ZKSCAN7: variants seen among roughly 807,000 people sequenced by gnomAD.
The protein encoded by ZKSCAN7 is zinc finger with KRAB and SCAN domains 7, also known as zinc finger protein with KRAB and SCAN domains 7.
ZKSCAN7 carries 38 observed loss-of-function variants against 65.3 expected under a neutral mutation model. The ratio of observed to expected loss-of-function variants is 0.58; its 90% confidence interval spans 0.45 to 0.76. The LOEUF (loss-of-function observed/expected upper bound fraction) is 0.76. Ranked by LOEUF, ZKSCAN7 falls within the 30% of genes least tolerant of loss-of-function variation. The probability of loss-of-function intolerance (pLI) is 0.00; values close to 1 mark genes in which losing one functional copy is unlikely to be tolerated. For missense variants in ZKSCAN7, 815 were observed against 913.3 expected (o/e 0.89, Z 1.39); for synonymous variants, 321 against 321.0 (o/e 1.00, Z 0.00).
At chr3:44,577,690 C>G (rs557497740) in intron 5 of ZKSCAN7, among the ~76,000 whole-genome samples, 12 of 152,310 alleles carry the variant, frequency 7.9e-5, no homozygotes, top group African/African-American at 2.9e-4. Flanking sequence ...CCAGCCCCCA[C>G]TGCTGGCCTA....
In ZKSCAN7 at chr3:44,568,312, T is replaced by G. The variant is rs192619921; in HGVS notation, c.690T>G (p.Thr230=). ...TVLRMVRPQD[T]VAYEDLSVDY... The stretch of plus-strand genomic sequence containing the variant: ...ATTGGAGCTTGTCATTCCAGGATAC[T>G]GTGGCATATGAGGACCTATCTGTAG... Residue 230 remains threonine, a synonymous_variant, in exon 5 of 6, where the codon ACT becomes ACG. Coordinates refer to ENST00000426540, the MANE Select transcript of ZKSCAN7 (RefSeq NM_001288590.2). The G allele has an allele frequency of 1.7e-4, 277 of 1,612,430 alleles. 1 individual carries two copies. Among genetic ancestry groups the G allele is most frequent in the Admixed American group, 1.5e-3 (89 of 59,666 alleles).
exon 6 of ZKSCAN7, chr3:44,582,976 G>C (rs1559436585): frequency 2.2e-6 from 1 of 448,172 alleles, no homozygotes; most frequent in Non-Finnish European, 4.5e-6. Flanking sequence ...TTCCAGGCTG[G>C]AGTACAATGG....
intron 1 of ZKSCAN7, among the ~76,000 whole-genome samples, chr3:44,556,080 C>T (rs1280621416): frequency 6.6e-6 from 1 of 152,200 alleles, no homozygotes; most frequent in Non-Finnish European, 1.5e-5. Flanking sequence ...ATCACTGAGA[C>T]AATAACCACC....
intron 5 of ZKSCAN7, among the ~76,000 whole-genome samples, chr3:44,578,511 C>G (rs918046642): frequency 6.6e-6 from 1 of 152,212 alleles, no homozygotes; most frequent in Non-Finnish European, 1.5e-5. Context: ...TGCCCGGCCT[C>G]CAGCGCCTGG....
chr3:44,567,072 T>C (rs1699653009), intron 3 of ZKSCAN7, among the ~76,000 whole-genome samples: 1 of 149,294 alleles, frequency 6.7e-6, no homozygotes, highest in African/African-American at 2.5e-5. Context: ...GGCATGATCA[T>C]GCCACTGCAC....
chr3:44,558,469 A>G (rs889296768), intron 2 of ZKSCAN7, among the ~76,000 whole-genome samples: 7 of 151,680 alleles, frequency 4.6e-5, no homozygotes, highest in Admixed American at 4.6e-4. Flanking sequence ...AGGTTGCAGT[A>G]AGCCAAGATC....
At chr3:44,572,259 T>C, downstream of ZKSCAN7, 2 of 979,978 alleles carry the variant, frequency 2.0e-6, no homozygotes. Context: ...TCATAGAATA[T>C]CACATACAGA....
downstream of ZKSCAN7, among the ~76,000 whole-genome samples, chr3:44,573,070 G>A (rs1353449581): frequency 1.3e-5 from 2 of 152,094 alleles, no homozygotes; most frequent in African/African-American, 4.8e-5. Context: ...ATTTAAAGAT[G>A]AGAGCTGTAC....
chr3:44,572,849 C>CAAA (rs11339297), downstream of ZKSCAN7, among the ~76,000 whole-genome samples: 17 of 72,416 alleles, frequency 2.3e-4, no homozygotes, highest in Non-Finnish European at 3.0e-4. Flanking sequence ...GACTCTGTCT[C>CAAA]AAAAAAAAAA....
intron 5 of ZKSCAN7, among the ~76,000 whole-genome samples, chr3:44,577,499 G>T (rs1002099835): frequency 6.6e-6 from 1 of 152,134 alleles, no homozygotes; most frequent in African/African-American, 2.4e-5. Context: ...AAGCTGGAGT[G>T]TCCGCATGGC....
chr3:44,571,651 A>G lies in ZKSCAN7; in HGVS notation c.*276A>G. The G allele has an allele frequency of 1.6e-6, 2 of 1,274,008 alleles. No homozygotes were observed. The highest frequency in any genetic ancestry group is 2.0e-6 in the Non-Finnish European group (2 of 1,007,284). 78.9% of individuals were successfully genotyped at this position (1,274,008 alleles called of 1,614,324 possible). A position where few individuals can be genotyped will look rare whatever the true frequency, so the allele number is the denominator to read the frequency against. On this transcript the variant is annotated 3_prime_UTR_variant, in exon 6 of 6. Transcript: ENST00000426540. ...TTAAAATCTATTTCATTTCTTAGTT[A>G]TGCATCTCATAATCAGACTCCATGC...
chr3:44,572,349 TG>T (rs869124111), downstream of ZKSCAN7, among the ~76,000 whole-genome samples: 3 of 4,266 alleles, frequency 7.0e-4, no homozygotes, highest in South Asian at 5.9e-3. Flanking sequence ...ATGGATTTTG[TG>T]TGTGTGTGTG....
At chr3:44,560,122 G>A (rs1400247917) in intron 2 of ZKSCAN7, among the ~76,000 whole-genome samples, 1 of 152,192 alleles carries the variant, frequency 6.6e-6, no homozygotes, top group Non-Finnish European at 1.5e-5. Flanking sequence ...ATGACTAACA[G>A]TAGACAGTGA....
chr3:44,565,517 C>A lies in ZKSCAN7; in HGVS notation c.454C>A (p.His152Asn). ...VSAPAQKQEM[H>N]FEETTALGTT... ...AGCCCCAGCACAGAAACAGGAAATG[C>A]ATTTTGAGGAGACAACAGCTCTGGG... Residue 152 changes from histidine (H) to asparagine (N), a missense_variant, in exon 3 of 6, where the codon CAT (histidine) becomes AAT (asparagine). His to Asn is a moderately conservative substitution (Grantham distance 68). This residue lies in a region of ZKSCAN7 where 227 missense variants were observed against 253.3 expected (regional missense o/e 0.90). Coordinates refer to ENST00000426540, the MANE Select transcript of ZKSCAN7 (RefSeq NM_001288590.2). 6.2e-7 allele frequency: 1 copy of A among 1,609,832 alleles called. No individual in the cohort carries two copies. The highest frequency in any genetic ancestry group is 8.5e-7 in the Non-Finnish European group (1 of 1,178,218).
chr3:44,570,198 A>G lies in ZKSCAN7; in HGVS notation c.1088A>G (p.His363Arg). 1 of 1,614,262 alleles carries G rather than the reference A, an allele frequency of 6.2e-7. No individual in the cohort carries two copies. The highest frequency in any genetic ancestry group is 8.5e-7 in the Non-Finnish European group (1 of 1,180,038). ...GACAAATATAAGGAAGTTGGGGAAC[A>G]TCCACCTCTGTCTTCCAGTCCTGTT... ...RYDKYKEVGE[H>R]PPLSSSPVEH... Residue 363 changes from histidine (H) to arginine (R), a missense_variant, in exon 6 of 6, where the codon CAT becomes CGT. Physicochemically the swap from His to Arg is conservative, Grantham distance 29. Coordinates refer to ENST00000426540, the MANE Select transcript of ZKSCAN7 (RefSeq NM_001288590.2).
rs1344526313 is a variant in ZKSCAN7 at position 44,557,135 on chromosome 3, G to T, written c.88G>T (p.Glu30Ter). The part of the protein sequence containing the change: ...KQEGRLTVKQ[E>*]PANQTWGQGS... Reference sequence around the variant, plus strand: ...AGAGGGGCGCCTGACTGTGAAGCAGGAGCCAGCAAACCAGACCTGGGGGCA... The same window carrying T: ...AGAGGGGCGCCTGACTGTGAAGCAGTAGCCAGCAAACCAGACCTGGGGGCA... Residue 30 changes from glutamate (E) to a stop codon, truncating the protein, a stop_gained, in exon 2 of 6, where the codon GAG becomes TAG. Transcript: ENST00000426540. LOFTEE classifies it high-confidence loss of function. The T allele has an allele frequency of 1.8e-5, 29 of 1,614,106 alleles. No homozygotes were observed. Among genetic ancestry groups the T allele is most frequent in the Non-Finnish European group, 2.4e-5 (28 of 1,180,056 alleles).
chr3:44,578,260 A>T (rs1427472252), intron 5 of ZKSCAN7: 7 of 1,565,844 alleles, frequency 4.5e-6, no homozygotes, highest in Non-Finnish European at 6.2e-6. Flanking sequence ...TCTGCAGCTC[A>T]TCCTTGAGGG....
At chr3:44,565,465 A>G in intron 2 of ZKSCAN7, 22 bp from the exon 3 acceptor site, 1 of 1,583,058 alleles carries the variant, frequency 6.3e-7, no homozygotes, top group Non-Finnish European at 8.6e-7. Context: ...TTTTGAACCC[A>G]ATTGTATTTC....
downstream of ZKSCAN7, among the ~76,000 whole-genome samples, chr3:44,575,641 G>A (rs1332735890): frequency 1.3e-5 from 2 of 152,154 alleles, no homozygotes; most frequent in African/African-American, 2.4e-5. Flanking sequence ...GCAATGGCAC[G>A]ATCTCGGCTC....
Sources: gnomAD v4.1 joint callset for allele counts (sites outside exome capture counted in the v4.1 genomes callset) on GRCh38, gnomAD v4.1.1 for gene constraint, gnomAD v4.1.1 regional missense constraint, MANE v1.5 for transcripts, NCBI Gene and HGNC (gene_info 2026-07-23, HGNC 2026-07-21) for gene names.